The following SIPA1L2 variants were observed in gnomAD, a reference collection of about 807,000 sequenced individuals.
The protein encoded by SIPA1L2 is signal induced proliferation associated 1 like 2, also known as signal-induced proliferation-associated 1-like protein 2.
In SIPA1L2, 56 loss-of-function variants were observed where a neutral mutation model predicts 163.9. That is an observed-to-expected ratio of 0.34 (90% CI 0.28 to 0.43). The LOEUF is 0.43. Among genes scored for constraint, SIPA1L2 ranks in the 20% least tolerant of loss-of-function variants. The probability of loss-of-function intolerance (pLI) is 1.00; values close to 1 mark genes in which losing one functional copy is unlikely to be tolerated. For synonymous variants in SIPA1L2, 877 were observed against 865.7 expected, an observed-to-expected ratio of 1.01 and a Z score of -0.23; for missense variants, 1,974 against 2,193.5, an observed-to-expected ratio of 0.90 and a Z score of 2.00.
Position 232,465,187 on chromosome 1 carries a change from A to G in SIPA1L2, c.2473T>C (p.Ser825Pro). The change falls in exon 9 of 23, where the codon TCT becomes CCT. Residue 825 changes from serine (S) to proline (P), a missense_variant. Physicochemically the swap from Ser to Pro is moderately conservative, Grantham distance 74 (BLOSUM62 -1). Transcript: ENST00000674635. The surrounding 1 kb of genome is among the most constrained non-coding windows in gnomAD (Gnocchi z 4.1). The stretch of plus-strand genomic sequence containing the variant: ...AGCGTAATGAAGCTGAACTTCACAG[A>G]GGTATCCACGGTGGCGGTTGTGACA... ...NFVTTATVDTSVKFSFITLGA... is the reference protein window; with the variant it reads ...NFVTTATVDTPVKFSFITLGA... 6.2e-7 allele frequency: 1 copy of G among 1,614,140 alleles called. No homozygotes were observed. Among genetic ancestry groups the G allele is most frequent in the Non-Finnish European group, 8.5e-7 (1 of 1,180,038 alleles).
chr1:232,456,527 GA>G (rs1176602331), intron 10 of SIPA1L2, among the ~76,000 whole-genome samples: 1 of 152,138 alleles, frequency 6.6e-6, no homozygotes, highest in African/African-American at 2.4e-5. Context: ...CTGCAGCAAG[GA>G]ATTTCATTTC....
chr1:232,480,642 A>G (rs1370210338), intron 6 of SIPA1L2, among the ~76,000 whole-genome samples: 1 of 152,226 alleles, frequency 6.6e-6, no homozygotes, highest in Non-Finnish European at 1.5e-5. Flanking sequence ...TAATGAAGAC[A>G]AAAAGATATA....
At chr1:232,476,377 C>T (rs1023275267) in intron 7 of SIPA1L2, among the ~76,000 whole-genome samples, 1 of 152,130 alleles carries the variant, frequency 6.6e-6, no homozygotes, top group Non-Finnish European at 1.5e-5. Flanking sequence ...AAATGTTACG[C>T]ATACATTAAA....
At chr1:232,564,002 A>G (rs1247986550) in intron 2 of SIPA1L2, among the ~76,000 whole-genome samples, 8 of 69,208 alleles carry the variant, frequency 1.2e-4, no homozygotes, top group East Asian at 4.3e-4. Flanking sequence ...TGTGTGATGG[A>G]GTTTTGCTCT....
chr1:232,483,697 G>A, intron 6 of SIPA1L2, 95 bp downstream of exon 6: 10 of 1,393,984 alleles, frequency 7.2e-6, no homozygotes, highest in Non-Finnish European at 9.0e-6. Flanking sequence ...TCTGGGGCCG[G>A]GAACAGGAGG....
intron 2 of SIPA1L2, among the ~76,000 whole-genome samples, chr1:232,530,021 A>C (rs776747791): frequency 2.0e-5 from 3 of 152,124 alleles, no homozygotes; most frequent in Non-Finnish European, 4.4e-5. Flanking sequence ...AACTTCTCTG[A>C]CCCTTGTCAT....
intron 8 of SIPA1L2, among the ~76,000 whole-genome samples, chr1:232,470,207 A>G (rs1664733342): frequency 6.6e-6 from 1 of 152,176 alleles, no homozygotes; most frequent in Admixed American, 6.5e-5. Context: ...ATTCTTTCAA[A>G]TATCACTTTT....
At chr1:232,407,983 A>G (rs534679096) in intron 19 of SIPA1L2, among the ~76,000 whole-genome samples, 1 of 152,132 alleles carries the variant, frequency 6.6e-6, no homozygotes, top group Admixed American at 6.6e-5. Flanking sequence ...TTAACGGGGG[A>G]CGAAAGCCAT....
intron 13 of SIPA1L2, 45 bp downstream of exon 13, chr1:232,441,723 G>A (rs746932345): frequency 2.7e-6 from 4 of 1,503,040 alleles, no homozygotes; most frequent in East Asian, 4.5e-5. Flanking sequence ...CAGAGAGGGG[G>A]AAAGGGGGAG....
chr1:232,454,668 A>G (rs566640141), intron 10 of SIPA1L2, among the ~76,000 whole-genome samples: 2 of 152,296 alleles, frequency 1.3e-5, no homozygotes, highest in South Asian at 4.1e-4. Flanking sequence ...TTACTAGTCT[A>G]ACACAATGCT....
intron 3 of SIPA1L2, among the ~76,000 whole-genome samples, chr1:232,495,846 A>G (rs1558222659): frequency 1.3e-5 from 2 of 152,214 alleles, no homozygotes; most frequent in African/African-American, 2.4e-5. Flanking sequence ...AAATTCTTTT[A>G]AGTAGAAAAA....
At chr1:232,606,605 T>G (rs1661934645) in intron 1 of SIPA1L2, among the ~76,000 whole-genome samples, 1 of 149,552 alleles carries the variant, frequency 6.7e-6, no homozygotes, top group Admixed American at 6.7e-5. Flanking sequence ...GCCTTACCAA[T>G]GAATTATATT....
intron 22 of SIPA1L2, 114 bp from the exon 23 acceptor site, chr1:232,399,387 G>A: frequency 1.7e-6 from 2 of 1,163,250 alleles, no homozygotes; most frequent in South Asian, 3.2e-5. Context: ...TTTTTGAGGG[G>A]AGAAGGGGTG....
chr1:232,612,577 T>C (rs1327646521), intron 1 of SIPA1L2, among the ~76,000 whole-genome samples: 1 of 152,240 alleles, frequency 6.6e-6, no homozygotes, highest in Non-Finnish European at 1.5e-5. Flanking sequence ...CCCCGCTGAA[T>C]TTCAGACTTG....
At chr1:232,544,560 C>CA (rs56028740) in intron 2 of SIPA1L2, among the ~76,000 whole-genome samples, 129,582 of 147,778 alleles carry the variant, frequency 0.88, 57,109 homozygotes, top group Middle Eastern at 0.95. Context: ...ACTCCTGTCT[C>CA]AAAAAAAAAA....
chr1:232,580,345 C>A (rs979486860), intron 1 of SIPA1L2, among the ~76,000 whole-genome samples: 5 of 152,150 alleles, frequency 3.3e-5, no homozygotes, highest in Non-Finnish European at 7.3e-5. Flanking sequence ...AGCTTCTTTA[C>A]CTCAACCTGT....
intron 2 of SIPA1L2, among the ~76,000 whole-genome samples, chr1:232,566,445 T>G (rs1252602772): frequency 1.3e-5 from 2 of 152,194 alleles, no homozygotes; most frequent in South Asian, 4.1e-4. Flanking sequence ...AATCACAATG[T>G]GGTACGTGGA....
At position 232,471,871 on chromosome 1, in the gene SIPA1L2, C is replaced by T. The variant is rs12410681; in HGVS notation, c.2086-343G>A. On this transcript the variant is annotated intron_variant, in intron 7 of 22. Transcript: ENST00000674635. ...GAAATGTTGTAGTTTAAGCTCTAGA[C>T]GACAAAGTCCAAGAGAGGGTACAGG... Among the ~76,000 whole-genome samples, 15 of 151,996 alleles carry T rather than the reference C, an allele frequency of 9.9e-5. 1 individual carries two copies. Among genetic ancestry groups the T allele is most frequent in the South Asian group, 2.1e-4 (1 of 4,826 alleles).
At chr1:232,476,338 T>C (rs1665045079) in intron 7 of SIPA1L2, among the ~76,000 whole-genome samples, 1 of 152,108 alleles carries the variant, frequency 6.6e-6, no homozygotes, top group Non-Finnish European at 1.5e-5. Flanking sequence ...CCACGAGGCG[T>C]CAGGTACCCC....
Sources: allele counts gnomAD v4.1 joint callset (sites outside exome capture counted in the v4.1 genomes callset), GRCh38; gene constraint gnomAD v4.1.1; non-coding constraint Gnocchi (gnomAD v3.1); transcripts MANE v1.5; gene names NCBI Gene and HGNC (gene_info 2026-07-23, HGNC 2026-07-21).